Variants in KIAA1549L observed in about 807,000 individuals in gnomAD.
The protein encoded by KIAA1549L is KIAA1549 like, also known as UPF0606 protein KIAA1549L.
Under a neutral mutation model 160.7 loss-of-function variants are expected in KIAA1549L, and 88 were observed. The observed-to-expected ratio is 0.55, with a 90% CI of 0.46 to 0.65. The LOEUF is 0.65. Among genes scored for constraint, KIAA1549L ranks in the 30% least tolerant of loss-of-function variants. KIAA1549L has a pLI of 0.00. For synonymous variants in KIAA1549L, 950 were observed against 976.7 expected, an observed-to-expected ratio of 0.97 and a Z score of 0.51; for missense variants, 2,258 against 2,437.5, an observed-to-expected ratio of 0.93 and a Z score of 1.55.
At chr11:33,457,234 C>G (rs1851846269) in intron 1 of KIAA1549L, among the ~76,000 whole-genome samples, 1 of 152,142 alleles carries the variant, frequency 6.6e-6, no homozygotes, top group African/African-American at 2.4e-5. Flanking sequence ...TCTTGGACTT[C>G]CCAGTGAATT....
At chr11:33,425,884 G>A (rs1157104676) in intron 1 of KIAA1549L, among the ~76,000 whole-genome samples, 1 of 152,212 alleles carries the variant, frequency 6.6e-6, no homozygotes, top group Non-Finnish European at 1.5e-5. Context: ...AAATGCACAA[G>A]TTCAGTCTAA....
chr11:33,465,409 A>G (rs1852036345), intron 1 of KIAA1549L, among the ~76,000 whole-genome samples: 1 of 151,520 alleles, frequency 6.6e-6, no homozygotes, highest in South Asian at 2.1e-4. Context: ...ATATTCTCTG[A>G]CCCCAGAGCC....
Position 33,580,588 on chromosome 11 carries a change from A to G in KIAA1549L, c.4403-2750A>G, listed in dbSNP as rs976216642. ...TTCTGCCTCAAAAAAAAAAAAAAAA[A>G]AAAGAAAAGAAAAGAAAAAAAAAGC... On this transcript the variant is annotated intron_variant, in intron 10 of 20. Transcript: ENST00000658780. 3.7e-4 allele frequency among the ~76,000 whole-genome samples: 30 copies of G among 81,418 alleles called. No homozygotes were observed. The East Asian group carries it at 7.1e-3, about 19-fold the overall frequency. The allele number at this position is 81,418 out of a possible 152,430, so 53.4% of individuals were successfully genotyped here.
At chr11:33,495,842 C>T (rs1482632123) in intron 1 of KIAA1549L, among the ~76,000 whole-genome samples, 1 of 151,740 alleles carries the variant, frequency 6.6e-6, no homozygotes. Context: ...GATGGTATCT[C>T]ATTGTGGTTT....
intron 1 of KIAA1549L, among the ~76,000 whole-genome samples, chr11:33,471,310 G>T (rs75079958): frequency 6.6e-6 from 1 of 151,160 alleles, no homozygotes; most frequent in Non-Finnish European, 1.5e-5. Flanking sequence ...GCCCTCTTGA[G>T]TTCTTGCCCC....
intron 1 of KIAA1549L, among the ~76,000 whole-genome samples, chr11:33,478,236 G>A (rs1011797111): frequency 2.7e-5 from 4 of 149,070 alleles, no homozygotes. Context: ...TCCTGCAGCA[G>A]CAGCTGCCAG....
intron 1 of KIAA1549L, among the ~76,000 whole-genome samples, chr11:33,384,456 G>A (rs1010611942): frequency 2.0e-5 from 3 of 152,212 alleles, no homozygotes; most frequent in African/African-American, 7.2e-5. Context: ...TAAATGCCTA[G>A]GGGTGGGATT....
chr11:33,387,801 C>T (rs1850201994), intron 1 of KIAA1549L, among the ~76,000 whole-genome samples: 1 of 152,122 alleles, frequency 6.6e-6, no homozygotes, highest in African/African-American at 2.4e-5. Context: ...TCCCTTCTTC[C>T]CCCATCCCCC....
Position 33,607,628 on chromosome 11 carries a change from G to C in KIAA1549L, c.5061+806G>C, listed in dbSNP as rs557753651. Among the ~76,000 whole-genome samples the C allele has an allele frequency of 8.1e-4, 123 of 152,304 alleles. 1 individual carries two copies. Among genetic ancestry groups the C allele is most frequent in the African/African-American group, 2.8e-3 (118 of 41,566 alleles). On this transcript the variant is annotated intron_variant, in intron 14 of 20. Transcript: ENST00000658780. Reference sequence around the variant, plus strand: ...TCTCTGTTCTTAAGCTGTCAGGTTGGTTGTTAATTTCATTTGTTTATACCC... The same window carrying C: ...TCTCTGTTCTTAAGCTGTCAGGTTGCTTGTTAATTTCATTTGTTTATACCC...
intron 1 of KIAA1549L, among the ~76,000 whole-genome samples, chr11:33,423,509 C>T (rs1319263740): frequency 6.6e-6 from 1 of 152,196 alleles, no homozygotes; most frequent in African/African-American, 2.4e-5. Context: ...TATTCATGCC[C>T]TCATTGAAGA....
intron 7 of KIAA1549L, 79 bp downstream of exon 7, chr11:33,559,990 GGCCACATACT>G (rs2133216024): frequency 8.2e-7 from 1 of 1,220,842 alleles, no homozygotes; most frequent in South Asian, 1.3e-5. Context: ...TATAGTGCCA[GGCCACATACT>G]ACCACCTTTA....
rs150476293 is a variant in KIAA1549L at position 33,545,632 on chromosome 11, T to A, written c.3385+254T>A. Among the ~76,000 whole-genome samples the A allele has an allele frequency of 3.4e-3, 515 of 152,258 alleles. 6 individuals are homozygous for A. The highest frequency in any genetic ancestry group is 0.011 in the African/African-American group (462 of 41,536). Reference sequence around the variant, plus strand: ...ACAGAACAGCCCCAACAACAAAGATTTATCCAGCCTAAAACATCCATAGGG... The same window carrying A: ...ACAGAACAGCCCCAACAACAAAGATATATCCAGCCTAAAACATCCATAGGG... On this transcript the variant is annotated intron_variant, in intron 3 of 20. Coordinates refer to ENST00000658780, the MANE Select transcript of KIAA1549L (RefSeq NM_012194.3).
At chr11:33,617,419 G>A (rs778369277) in intron 15 of KIAA1549L, among the ~76,000 whole-genome samples, 2 of 152,172 alleles carry the variant, frequency 1.3e-5, no homozygotes, top group African/African-American at 2.4e-5. Flanking sequence ...CAATACAGGG[G>A]TGACAAATGT....
chr11:33,655,992 AT>A lies in KIAA1549L; in HGVS notation c.5761-18del. On this transcript the variant is annotated intron_variant, in intron 17 of 20. Coordinates refer to ENST00000658780, the MANE Select transcript of KIAA1549L (RefSeq NM_012194.3). Reference sequence around the variant, plus strand: ...CCTGGGTGTTAACAACTCTCCCTGTATTGCTTGTCTCTTTCACAGGCTTACA... The same window carrying A: ...CCTGGGTGTTAACAACTCTCCCTGTATGCTTGTCTCTTTCACAGGCTTACA... 1 of 1,581,084 alleles carries A rather than the reference AT, an allele frequency of 6.3e-7. No individual in the cohort carries two copies.
chr11:33,611,492 G>T (rs544825628), intron 15 of KIAA1549L, among the ~76,000 whole-genome samples: 1 of 152,164 alleles, frequency 6.6e-6, no homozygotes, highest in East Asian at 1.9e-4. Context: ...AATTTACCAT[G>T]CTTCTAATTA....
chr11:33,642,596 T>TG (rs1291338720), intron 16 of KIAA1549L, among the ~76,000 whole-genome samples: 9 of 88,152 alleles, frequency 1.0e-4, no homozygotes, highest in African/African-American at 3.2e-4. Context: ...GTGAGTGGTT[T>TG]GGGGGGGTGG....
At chr11:33,388,678 T>TGTTAC (rs1387126598) in intron 1 of KIAA1549L, among the ~76,000 whole-genome samples, 1 of 152,246 alleles carries the variant, frequency 6.6e-6, no homozygotes, top group Non-Finnish European at 1.5e-5. Context: ...CTTGAACTTC[T>TGTTAC]GTTAGAAACA....
intron 6 of KIAA1549L, among the ~76,000 whole-genome samples, chr11:33,554,755 C>G (rs1167015890): frequency 1.3e-5 from 2 of 152,228 alleles, no homozygotes; most frequent in Non-Finnish European, 1.5e-5. Context: ...GGGGCAGCCC[C>G]ATCCAGAACA....
chr11:33,422,521 TCCCTTCCCCCTTTCCC>T (rs1851035197), intron 1 of KIAA1549L, among the ~76,000 whole-genome samples: 2 of 21,446 alleles, frequency 9.3e-5, no homozygotes, highest in Non-Finnish European at 2.0e-4. Context: ...CTCCCTCCCC[TCCCTTCCCCCTTTCCC>T]CCCTCCCCCC....
Sources: allele counts gnomAD v4.1 joint callset (sites outside exome capture counted in the v4.1 genomes callset), GRCh38; gene constraint gnomAD v4.1.1; transcripts MANE v1.5; gene names NCBI Gene and HGNC (gene_info 2026-07-23, HGNC 2026-07-21).